HIBCH: variants seen among roughly 807,000 people sequenced by gnomAD.
The protein encoded by HIBCH is 3-hydroxyisobutyryl-CoA hydrolase, also known as 3-hydroxyisobutyryl-CoA hydrolase, mitochondrial.
Under a neutral mutation model 58.2 loss-of-function variants are expected in HIBCH, and 50 were observed. The ratio of observed to expected loss-of-function variants is 0.86; its 90% CI spans 0.68 to 1.09. The LOEUF is 1.09. Ranked by LOEUF, HIBCH falls within the 50% of genes least tolerant of loss-of-function variation. HIBCH has a pLI of 0.00. For synonymous variants in HIBCH, 151 were observed against 146.9 expected (o/e 1.03, Z -0.20); for missense variants, 450 against 449.7 (o/e 1.00, Z -0.01).
chr2:190,212,474 C>T (rs1690535467), intron 12 of HIBCH, among the ~76,000 whole-genome samples: 1 of 152,112 alleles, frequency 6.6e-6, no homozygotes, highest in Non-Finnish European at 1.5e-5. Context: ...AATCAATATT[C>T]TATGTGATTA....
Position 190,315,094 on chromosome 2 carries a change from C to T in HIBCH, c.36-4298G>A, listed in dbSNP as rs1688682026. ...TCCTGAGTAGCTGGGACTACAGGTG[C>T]CTGCCACCATGCCCGGCTAATTTTT... is the stretch of plus-strand genomic sequence containing the variant. On this transcript the variant is annotated intron_variant, in intron 1 of 13. Transcript: ENST00000359678. The surrounding 1 kb of genome is among the most constrained non-coding windows in gnomAD (Gnocchi z 5.4). 6.6e-6 allele frequency among the ~76,000 whole-genome samples: 1 copy of T among 151,908 alleles called. No individual in the cohort carries two copies. The highest frequency in any genetic ancestry group is 1.5e-5 in the Non-Finnish European group (1 of 67,976).
At chr2:190,240,850 T>C (rs189635567) in intron 11 of HIBCH, among the ~76,000 whole-genome samples, 11 of 152,304 alleles carry the variant, frequency 7.2e-5, no homozygotes, top group Non-Finnish European at 1.3e-4. Flanking sequence ...GAGACTGTTA[T>C]GATTTCCGTT....
Position 190,277,665 on chromosome 2 carries a change from A to G in HIBCH, c.438+9921T>C, listed in dbSNP as rs79844050. ...TAGTAAGAAAATAAACTGAAACCTA[A>G]TTTAAGAGTATAGTTTTGTAACAAA... On this transcript the variant is annotated intron_variant, in intron 6 of 13. Transcript: ENST00000359678. Among the ~76,000 whole-genome samples the G allele has an allele frequency of 6.7e-3, 1,027 of 152,322 alleles. 12 individuals are homozygous for G. The highest frequency in any genetic ancestry group is 0.022 in the African/African-American group (933 of 41,570).
chr2:190,252,375 C>A, intron 7 of HIBCH, 68 bp from the exon 8 acceptor site: 1 of 1,317,830 alleles, frequency 7.6e-7, no homozygotes, highest in Admixed American at 1.8e-5. Flanking sequence ...AACCTTTTTG[C>A]CGTAGATCAC....
At chr2:190,305,924 T>C (rs186114980) in intron 2 of HIBCH, among the ~76,000 whole-genome samples, 63 of 152,292 alleles carry the variant, frequency 4.1e-4, no homozygotes, top group African/African-American at 1.3e-3. Flanking sequence ...AAAACCAAAG[T>C]TGCCCTGGTT....
chr2:190,208,938 G>A (rs765896037), intron 12 of HIBCH, 25 bp from the exon 13 acceptor site: 2 of 1,608,974 alleles, frequency 1.2e-6, no homozygotes, highest in Admixed American at 1.7e-5. Flanking sequence ...AGATTAAATG[G>A]GGATAATTTC....
chr2:190,313,643 C>A (rs1048312040), intron 1 of HIBCH, among the ~76,000 whole-genome samples: 348 of 78,730 alleles, frequency 4.4e-3, no homozygotes, highest in East Asian at 9.8e-3. Context: ...CTCTGTCTCA[C>A]AAAAAAAAAA....
intron 2 of HIBCH, among the ~76,000 whole-genome samples, chr2:190,300,534 T>C (rs1391309062): frequency 6.6e-6 from 1 of 152,170 alleles, no homozygotes; most frequent in Non-Finnish European, 1.5e-5. Context: ...CTTATAAATT[T>C]AAGTTTCTTA....
downstream of HIBCH, chr2:190,203,292 T>C (rs1328693690): frequency 6.0e-6 from 1 of 167,216 alleles, no homozygotes. Context: ...AATAACTAAA[T>C]AGGACATGTC....
intron 1 of HIBCH, among the ~76,000 whole-genome samples, chr2:190,194,989 A>T (rs78738227): frequency 0.029 from 4,424 of 152,084 alleles, 130 homozygotes; most frequent in East Asian, 0.11. Context: ...TGAGTAGTTA[A>T]AACTGTAGGT....
rs78959969 is a variant in HIBCH at position 190,219,469 on chromosome 2, C to T, written c.892-6394G>A. Among the ~76,000 whole-genome samples, 1,018 of 152,224 alleles carry T rather than the reference C, an allele frequency of 6.7e-3. 12 individuals are homozygous for T. Among genetic ancestry groups the T allele is most frequent in the African/African-American group, 0.022 (923 of 41,524 alleles). ...TCTCCACCACTTAGTTTCTCTCACC[C>T]GAACCAAAGAATTTGAGTCTAAAAT... On this transcript the variant is annotated intron_variant, in intron 11 of 13. Transcript: ENST00000359678.
chr2:190,313,324 T>C (rs149551169), intron 1 of HIBCH, among the ~76,000 whole-genome samples: 80 of 152,298 alleles, frequency 5.3e-4, no homozygotes, highest in African/African-American at 1.9e-3. Flanking sequence ...ATTAGCATAT[T>C]GGGTATCAGT....
intron 8 of HIBCH, 85 bp downstream of exon 8, chr2:190,252,077 G>A: frequency 1.6e-6 from 2 of 1,261,220 alleles, no homozygotes; most frequent in Non-Finnish European, 2.3e-6. Context: ...GAAGTCTGTG[G>A]CTCTCAACCA....
At chr2:190,250,273 G>A in intron 8 of HIBCH, 1 of 415,800 alleles carries the variant, frequency 2.4e-6, no homozygotes, top group South Asian at 1.9e-5. Flanking sequence ...AAGGCCGGCT[G>A]TACTGCAACC....
At chr2:190,312,842 T>C (rs553237278) in intron 1 of HIBCH, among the ~76,000 whole-genome samples, 1 of 152,328 alleles carries the variant, frequency 6.6e-6, no homozygotes, top group South Asian at 2.1e-4. Flanking sequence ...CTCATGCCTG[T>C]AATCCCAGCA....
chr2:190,264,284 T>TC (rs1380440023), intron 6 of HIBCH, among the ~76,000 whole-genome samples: 3 of 151,346 alleles, frequency 2.0e-5, no homozygotes, highest in African/African-American at 7.3e-5. Flanking sequence ...TTTCTTTCTT[T>TC]TTTTTTTTTT....
chr2:190,222,587 G>C (rs968806749), intron 11 of HIBCH, among the ~76,000 whole-genome samples: 10 of 152,230 alleles, frequency 6.6e-5, no homozygotes, highest in Non-Finnish European at 1.3e-4. Context: ...TTTCACGCCA[G>C]TCAGAATGGC....
intron 6 of HIBCH, among the ~76,000 whole-genome samples, chr2:190,280,553 G>A (rs1687678894): frequency 6.6e-6 from 1 of 152,144 alleles, no homozygotes; most frequent in African/African-American, 2.4e-5. Flanking sequence ...TGGGCGAGTG[G>A]GCCCAAGCAT....
chr2:190,210,395 C>T lies in HIBCH; in HGVS notation c.1012-1482G>A, dbSNP rs1301048776. On this transcript the variant is annotated intron_variant, in intron 12 of 13. Coordinates refer to ENST00000359678, the MANE Select transcript of HIBCH (RefSeq NM_014362.4). The surrounding 1 kb of genome is among the most constrained non-coding windows in gnomAD (Gnocchi z 5.5). Reference sequence around the variant, plus strand: ...TCTCCTGGTCCTCCTACCTCTCCATCCTTTTTTTCCTTCCTACTGCTCTTT... The same window carrying T: ...TCTCCTGGTCCTCCTACCTCTCCATTCTTTTTTTCCTTCCTACTGCTCTTT... 6.6e-6 allele frequency among the ~76,000 whole-genome samples: 1 copy of T among 152,194 alleles called. No individual in the cohort carries two copies. The highest frequency in any genetic ancestry group is 1.5e-5 in the Non-Finnish European group (1 of 68,030).
Sources: allele counts gnomAD v4.1 joint callset (sites outside exome capture counted in the v4.1 genomes callset), GRCh38; gene constraint gnomAD v4.1.1; non-coding constraint Gnocchi (gnomAD v3.1); transcripts MANE v1.5; gene names NCBI Gene and HGNC (gene_info 2026-07-23, HGNC 2026-07-21).